ATM: variants seen among roughly 807,000 people sequenced by gnomAD.
ATM encodes the protein serine-protein kinase ATM.
ATM carries 308 observed loss-of-function variants against 387.0 expected under a neutral mutation model. The ratio of observed to expected loss-of-function variants is 0.80; its 90% CI spans 0.73 to 0.87. The LOEUF (loss-of-function observed/expected upper bound fraction) is 0.87. Ranked by LOEUF, ATM falls within the 40% of genes least tolerant of loss-of-function variation. The probability of loss-of-function intolerance (pLI) is 0.00; values close to 1 mark genes in which losing one functional copy is unlikely to be tolerated. For missense variants in ATM, 3,312 were observed against 3,560.9 expected, an observed-to-expected ratio of 0.93 and a Z score of 1.78; for synonymous variants, 1,156 against 1,187.3, an observed-to-expected ratio of 0.97 and a Z score of 0.54.
At chr11:108,357,414 C>A (rs546747875) in intron 61 of ATM, among the ~76,000 whole-genome samples, 3 of 152,196 alleles carry the variant, frequency 2.0e-5, no homozygotes, top group Non-Finnish European at 4.4e-5. Flanking sequence ...ACAAAGCAGC[C>A]GGGAAGCTCG....
intron 5 of ATM, among the ~76,000 whole-genome samples, chr11:108,237,092 AACT>A (rs1412263838): frequency 6.6e-6 from 1 of 152,218 alleles, no homozygotes; most frequent in East Asian, 1.9e-4. Flanking sequence ...TGAACCACAA[AACT>A]ACTACCTAAT....
intron 23 of ATM, among the ~76,000 whole-genome samples, chr11:108,280,188 G>C (rs1410549589): frequency 2.0e-5 from 3 of 152,016 alleles, no homozygotes; most frequent in Admixed American, 2.0e-4. Flanking sequence ...TGTGAGTTTA[G>C]AAAAGAATTT....
chr11:108,353,540 C>T (rs2089460493), intron 59 of ATM, among the ~76,000 whole-genome samples: 1 of 152,142 alleles, frequency 6.6e-6, no homozygotes, highest in Non-Finnish European at 1.5e-5. Context: ...CTAGATTTCT[C>T]TAGTTGGGTT....
chr11:108,366,029 C>CAAAAAAAA lies in ATM; in HGVS notation c.*533_*540dup. 1.0e-5 allele frequency: 1 copy of CAAAAAAAA among 99,892 alleles called. No homozygotes were observed. Among genetic ancestry groups the CAAAAAAAA allele is most frequent in the Non-Finnish European group, 2.0e-5 (1 of 50,516 alleles). 6.2% of individuals were successfully genotyped at this position (99,892 alleles called of 1,614,324 possible). A position where few individuals can be genotyped will look rare whatever the true frequency, so the allele number is the denominator to read the frequency against. On this transcript the variant is annotated 3_prime_UTR_variant, in exon 63 of 63. Transcript: ENST00000675843. Reference sequence around the variant, plus strand: ...GGGTGACAAGAGCGAAACTCCATCTCAAAAAAAAAAAAAAAAAAACAGAAA... The same window carrying CAAAAAAAA: ...GGGTGACAAGAGCGAAACTCCATCTCAAAAAAAAAAAAAAAAAAAAAAAAAAACAGAAA...
intron 22 of ATM, among the ~76,000 whole-genome samples, chr11:108,273,068 G>A (rs1469232361): frequency 6.6e-6 from 1 of 152,172 alleles, no homozygotes; most frequent in Non-Finnish European, 1.5e-5. Flanking sequence ...GTGACTTAGT[G>A]AGGTAAAGTA....
intron 16 of ATM, among the ~76,000 whole-genome samples, chr11:108,261,090 T>C (rs757210541): frequency 6.6e-6 from 1 of 152,168 alleles, no homozygotes; most frequent in African/African-American, 2.4e-5. Context: ...CAGGCTTGAT[T>C]AGGTAAACAA....
chr11:108,302,810 T>C (rs755270926), intron 35 of ATM, 43 bp from the exon 36 acceptor site: 4 of 1,545,472 alleles, frequency 2.6e-6, no homozygotes, highest in Non-Finnish European at 3.6e-6. Flanking sequence ...GTACAATGAT[T>C]TCCACTTCTC....
chr11:108,267,663 C>T (rs1253104242), intron 17 of ATM, among the ~76,000 whole-genome samples: 1 of 152,104 alleles, frequency 6.6e-6, no homozygotes, highest in Admixed American at 6.5e-5. Flanking sequence ...TCAAGACCAT[C>T]CTGGCTAACG....
Position 108,288,990 on chromosome 11 carries a change from G to T in ATM, c.4123G>T (p.Ala1375Ser), listed in dbSNP as rs2135750720. The change falls in exon 28 of 63, where the codon GCT becomes TCT. Residue 1375 changes from alanine (A) to serine (S), a missense_variant. Ala to Ser is a moderately conservative substitution (Grantham distance 99, BLOSUM62 1). Transcript: ENST00000675843. The part of the protein sequence containing the change: ...LCDFSGDLDP[A>S]PNPPHFPSHV... ...TAACTCTGTTAGGGATTTGGATCCTGCTCCTAATCCACCTCATTTTCCATC... is the reference window on the plus strand; with the variant it reads ...TAACTCTGTTAGGGATTTGGATCCTTCTCCTAATCCACCTCATTTTCCATC... 1 of 1,613,526 alleles carries T rather than the reference G, an allele frequency of 6.2e-7. No homozygotes were observed. The highest frequency in any genetic ancestry group is 8.5e-7 in the Non-Finnish European group (1 of 1,179,702).
At chr11:108,322,280 G>A (rs1007713780) in intron 45 of ATM, among the ~76,000 whole-genome samples, 3 of 151,902 alleles carry the variant, frequency 2.0e-5, no homozygotes, top group Non-Finnish European at 2.9e-5. Flanking sequence ...TCAGCCTCCC[G>A]AGTAGCTGGG....
rs1285646828 is a variant in ATM, at chr11:108,259,055, G to C, written c.2446G>C (p.Ala816Pro). The change falls in exon 16 of 63, where the codon GCA (alanine) becomes CCA (proline). Residue 816 changes from alanine to proline, a missense_variant. This residue lies in a region of ATM where 1,791 missense variants were observed against 1,804.5 expected (regional missense o/e 0.99). Transcript: ENST00000675843. The stretch of plus-strand genomic sequence containing the variant: ...AACATCAAAGCTAATGAATGACATT[G>C]CAGATATTTGTAAAAGTTTAGTAAG... The part of the protein sequence containing the change: ...LLTSKLMNDI[A>P]DICKSLASFI... The C allele has an allele frequency of 2.5e-6, 4 of 1,613,328 alleles. No individual in the cohort carries two copies. The highest frequency in any genetic ancestry group is 3.4e-6 in the Non-Finnish European group (4 of 1,179,730).
rs2135861446 is a variant in ATM, at chr11:108,297,301, G to A, written c.4924G>A (p.Gly1642Arg). ...ATTATTTCTAGATAATCCGCAAGATGGGATTATGGTGAAACTAGTTGTCAA... is the reference window on the plus strand; with the variant it reads ...ATTATTTCTAGATAATCCGCAAGATAGGATTATGGTGAAACTAGTTGTCAA... ...MRASQDNPQD[G>R]IMVKLVVNLL... Residue 1642 changes from glycine (G) to arginine (R), a missense_variant, in exon 33 of 63, where the codon GGG (glycine) becomes AGG (arginine). Transcript: ENST00000675843. 1 of 1,613,690 alleles carries A rather than the reference G, an allele frequency of 6.2e-7. No individual in the cohort carries two copies. Among genetic ancestry groups the A allele is most frequent in the Non-Finnish European group, 8.5e-7 (1 of 1,179,746 alleles).
At chr11:108,346,528 C>T (rs1395304685) in intron 58 of ATM, 1 of 151,394 alleles carries the variant, frequency 6.6e-6, no homozygotes, top group Non-Finnish European at 1.5e-5. Flanking sequence ...AAAGACAACT[C>T]CCTCCATCAC....
In ATM at chr11:108,284,208, T is replaced by A. The variant is rs2082370635; in HGVS notation, c.3747-19T>A. 1 of 1,565,074 alleles carries A rather than the reference T, an allele frequency of 6.4e-7. No homozygotes were observed. Among genetic ancestry groups the A allele is most frequent in the Non-Finnish European group, 8.7e-7 (1 of 1,146,406 alleles). ...GAAAAGTTATATATAACCTGTATTT[T>A]AAATTTTTCTATTTTTAGATCTTGT... On this transcript the variant is annotated intron_variant, in intron 25 of 62. Coordinates refer to ENST00000675843, the MANE Select transcript of ATM (RefSeq NM_000051.4).
intron 56 of ATM, among the ~76,000 whole-genome samples, chr11:108,338,606 T>C (rs140298589): frequency 2.0e-5 from 3 of 151,916 alleles, no homozygotes; most frequent in Non-Finnish European, 4.4e-5. Context: ...GCATGAGCTG[T>C]GATCATGCCA....
chr11:108,285,484 AC>A (rs1387071394), intron 26 of ATM, among the ~76,000 whole-genome samples: 1 of 152,200 alleles, frequency 6.6e-6, no homozygotes, highest in African/African-American at 2.4e-5. Flanking sequence ...ATTAAAACAT[AC>A]ATACAAATTT....
intron 24 of ATM, among the ~76,000 whole-genome samples, 169 bp from the exon 25 acceptor site, chr11:108,282,541 T>C (rs147285388): frequency 6.6e-6 from 1 of 152,220 alleles, no homozygotes; most frequent in Non-Finnish European, 1.5e-5. Context: ...TCAGATACTG[T>C]GCCAGTTGAG....
At chr11:108,250,161 T>C (rs867006481) in intron 9 of ATM, among the ~76,000 whole-genome samples, 4 of 151,042 alleles carry the variant, frequency 2.6e-5, no homozygotes, top group African/African-American at 9.7e-5. Context: ...TATATATATA[T>C]ATATTTTCTG....
At position 108,292,864 on chromosome 11, in the gene ATM, T is replaced by C. The variant is rs888999414; in HGVS notation, c.4611+71T>C. On this transcript the variant is annotated intron_variant, in intron 30 of 62. Coordinates refer to ENST00000675843, the MANE Select transcript of ATM (RefSeq NM_000051.4). Reference sequence around the variant, plus strand: ...GTATTGTTAGAAGGATTTGAGTGTTTTATGTTTATTTGGTATAATTGGTGA... The same window carrying C: ...GTATTGTTAGAAGGATTTGAGTGTTCTATGTTTATTTGGTATAATTGGTGA... The C allele has an allele frequency of 4.6e-6, 7 of 1,537,802 alleles. No individual in the cohort carries two copies. In the Admixed American group the frequency reaches 1.0e-4, roughly 22 times the overall value.
Sources: allele counts gnomAD v4.1 joint callset (sites outside exome capture counted in the v4.1 genomes callset), GRCh38; gene constraint gnomAD v4.1.1; regional missense constraint gnomAD v4.1.1; transcripts MANE v1.5; gene names NCBI Gene and HGNC (gene_info 2026-07-23, HGNC 2026-07-21).